Variants in KCNJ5 observed in about 807,000 individuals in gnomAD.
KCNJ5 encodes G protein-activated inward rectifier potassium channel 4.
KCNJ5 carries 12 observed loss-of-function variants against 20.2 expected under a neutral mutation model. The ratio of observed to expected loss-of-function variants is 0.59; its 90% CI spans 0.38 to 0.96. KCNJ5 has a LOEUF of 0.96. KCNJ5 is among the 40% of genes least tolerant of loss of function. The probability of loss-of-function intolerance (pLI) is 0.00; values close to 1 mark genes in which losing one functional copy is unlikely to be tolerated. For synonymous variants in KCNJ5, 210 were observed against 213.9 expected (o/e 0.98, Z 0.16); for missense variants, 449 against 557.6 (o/e 0.81, Z 1.96).
chr11:128,910,451 G>A lies in KCNJ5; in HGVS notation c.-10-813G>A, dbSNP rs192276693. ...TGCAGACTTCACACTCAGACGGTAG[G>A]GGTGACCAATTGACAAATCAGATAC... On this transcript the variant is annotated intron_variant, in intron 1 of 2. Coordinates refer to ENST00000529694, the MANE Select transcript of KCNJ5 (RefSeq NM_000890.5). Among the ~76,000 whole-genome samples, 646 of 152,274 alleles carry A rather than the reference G, an allele frequency of 4.2e-3. 3 individuals carry two copies. Among genetic ancestry groups the A allele is most frequent in the Non-Finnish European group, 8.0e-3 (541 of 68,014 alleles).
intron 1 of KCNJ5, among the ~76,000 whole-genome samples, chr11:128,893,254 T>C (rs1348455986): frequency 1.3e-5 from 2 of 152,122 alleles, no homozygotes; most frequent in African/African-American, 2.4e-5. Context: ...GCATAAGGCC[T>C]TCAGTGGGAG....
rs569541793 is a variant in KCNJ5 at position 128,918,600 on chromosome 11, G to A, written c.*1869G>A. On this transcript the variant is annotated 3_prime_UTR_variant, in exon 3 of 3. Transcript: ENST00000529694. ...AGCCTTTTCCTGCCCTGGATATGGCGCTTCTTCCTGGGAGAGGAGCAGAGC... is the reference window on the plus strand; with the variant it reads ...AGCCTTTTCCTGCCCTGGATATGGCACTTCTTCCTGGGAGAGGAGCAGAGC... 2.0e-5 allele frequency: 3 copies of A among 152,456 alleles called. No individual in the cohort carries two copies. The highest frequency in any genetic ancestry group is 7.2e-5 in the African/African-American group (3 of 41,472). The allele number at this position is 152,456 out of a possible 1,614,324, so 9.4% of individuals were successfully genotyped here.
intron 1 of KCNJ5, among the ~76,000 whole-genome samples, chr11:128,908,629 C>A (rs1944457264): frequency 6.6e-6 from 1 of 152,188 alleles, no homozygotes; most frequent in South Asian, 2.1e-4. Flanking sequence ...AGAATGTATG[C>A]AAGTATGTTT....
Position 128,917,911 on chromosome 11 carries a change from C to A in KCNJ5, c.*1180C>A. The A allele has an allele frequency of 3.3e-5, 5 of 152,612 alleles. No individual in the cohort carries two copies. The highest frequency in any genetic ancestry group is 7.3e-5 in the Non-Finnish European group (5 of 68,346). The allele number at this position is 152,612 out of a possible 1,614,324, so 9.5% of individuals were successfully genotyped here. ...TCTACTGAAAATACAAAAAATTAGC[C>A]AGGCATGGTGGCAGGTGCCTGTAGT... On this transcript the variant is annotated 3_prime_UTR_variant, in exon 3 of 3. Coordinates refer to ENST00000529694, the MANE Select transcript of KCNJ5 (RefSeq NM_000890.5).
rs1944600674 is a variant in KCNJ5, at chr11:128,917,372, T to C, written c.*641T>C. The C allele has an allele frequency of 6.5e-6, 1 of 152,724 alleles. No homozygotes were observed. The highest frequency in any genetic ancestry group is 2.1e-4 in the South Asian group (1 of 4,836). The allele number at this position is 152,724 out of a possible 1,614,324, so 9.5% of individuals were successfully genotyped here. A position where few individuals can be genotyped will look rare whatever the true frequency, so the allele number is the denominator to read the frequency against. ...TGTTCTGTGTGTCCAGTGTAGCCTATTGGAGAATCGGTCTCATTAGAGTGA... is the reference window on the plus strand; with the variant it reads ...TGTTCTGTGTGTCCAGTGTAGCCTACTGGAGAATCGGTCTCATTAGAGTGA... On this transcript the variant is annotated 3_prime_UTR_variant, in exon 3 of 3. Coordinates refer to ENST00000529694, the MANE Select transcript of KCNJ5 (RefSeq NM_000890.5).
rs1470982638 is a variant in KCNJ5 at position 128,891,423 on chromosome 11, CACACACACACACACACACAG to C, written c.-307_-288del. Reference sequence around the variant, plus strand: ...ACACACACACACACACACACACACACACACACACACACACACACAGAGAGAGAGAGAGAGAGAGAGAGAGA... The same window carrying C: ...ACACACACACACACACACACACACACAGAGAGAGAGAGAGAGAGAGAGAGA... On this transcript the variant is annotated 5_prime_UTR_variant, in exon 1 of 3. Coordinates refer to ENST00000529694, the MANE Select transcript of KCNJ5 (RefSeq NM_000890.5). 5.5e-5 allele frequency: 6 copies of C among 108,552 alleles called. No homozygotes were observed. Among genetic ancestry groups the C allele is most frequent in the Non-Finnish European group, 9.3e-5 (5 of 53,838 alleles). The allele number at this position is 108,552 out of a possible 1,614,324, so 6.7% of individuals were successfully genotyped here. A position where few individuals can be genotyped will look rare whatever the true frequency, so the allele number is the denominator to read the frequency against.
rs1944139235 is a variant in KCNJ5 at position 128,894,332 on chromosome 11, T to C, written c.-11+2611T>C. Reference sequence around the variant, plus strand: ...AATGTTAGCAAACACTCACATTTTCTGAGCCAATACTGATTGACTATTTAG... The same window carrying C: ...AATGTTAGCAAACACTCACATTTTCCGAGCCAATACTGATTGACTATTTAG... On this transcript the variant is annotated intron_variant, in intron 1 of 2. Transcript: ENST00000529694. Among the ~76,000 whole-genome samples, 3 of 152,218 alleles carry C rather than the reference T, an allele frequency of 2.0e-5. No homozygotes were observed. The South Asian group carries it at 6.2e-4, about 31-fold the overall frequency.
chr11:128,895,390 C>CG (rs887547299), intron 1 of KCNJ5, among the ~76,000 whole-genome samples: 3 of 146,694 alleles, frequency 2.0e-5, no homozygotes, highest in Admixed American at 6.8e-5. Flanking sequence ...CCACCCCCCC[C>CG]CCAACCCCAG....
Position 128,902,019 on chromosome 11 carries a change from G to A in KCNJ5, c.-10-9245G>A, listed in dbSNP as rs551470757. On this transcript the variant is annotated intron_variant, in intron 1 of 2. Coordinates refer to ENST00000529694, the MANE Select transcript of KCNJ5 (RefSeq NM_000890.5). ...CCTGATTCTAGCCCTCAGCCCCCAC[G>A]CACAGCCACCGGCGACTCTAGCCAC... is the stretch of plus-strand genomic sequence containing the variant. The A allele has an allele frequency of 2.0e-4, 33 of 163,866 alleles. No homozygotes were observed. The South Asian group carries it at 4.6e-3, about 23-fold the overall frequency. The allele number at this position is 163,866 out of a possible 1,614,324, so 10.2% of individuals were successfully genotyped here. A position where few individuals can be genotyped will look rare whatever the true frequency, so the allele number is the denominator to read the frequency against.
chr11:128,911,513 C>T lies in KCNJ5; in HGVS notation c.240C>T (p.Thr80=). Residue 80 remains threonine (T), a synonymous_variant, in exon 2 of 3, where the codon ACC becomes ACT. Coordinates refer to ENST00000529694, the MANE Select transcript of KCNJ5 (RefSeq NM_000890.5). The surrounding 1 kb of genome is among the most constrained non-coding windows in gnomAD (Gnocchi z 6.3). ...GGTACCTGAGTGACCTCTTCACCAC[C>T]CTGGTGGACCTCAAGTGGCGCTTCA... is the stretch of plus-strand genomic sequence containing the variant. The part of the protein sequence containing the change: ...TYRYLSDLFT[T]LVDLKWRFNL... 6.2e-7 allele frequency: 1 copy of T among 1,614,240 alleles called. No homozygotes were observed. Among genetic ancestry groups the T allele is most frequent in the African/African-American group, 1.3e-5 (1 of 75,072 alleles).
chr11:128,920,168 A>G lies in KCNJ5; in HGVS notation c.*3437A>G, dbSNP rs1326721018. ...GCTCCACCAATCTGACGCCTGACAG[A>G]TGTCACCACTGCCTGAAGGATCCTG... On this transcript the variant is annotated 3_prime_UTR_variant, in exon 3 of 3. Transcript: ENST00000529694. 1 of 152,248 alleles carries G rather than the reference A, an allele frequency of 6.6e-6. No homozygotes were observed. Among genetic ancestry groups the G allele is most frequent in the African/African-American group, 2.4e-5 (1 of 41,428 alleles). The allele number at this position is 152,248 out of a possible 1,614,324, so 9.4% of individuals were successfully genotyped here.
At chr11:128,905,351 G>A (rs1329261650) in intron 1 of KCNJ5, among the ~76,000 whole-genome samples, 1 of 152,138 alleles carries the variant, frequency 6.6e-6, no homozygotes, top group African/African-American at 2.4e-5. Flanking sequence ...GTCGAGCACC[G>A]CCTTATCCAG....
chr11:128,915,998 A>ATGGATGGATGAT (rs1944573247), intron 2 of KCNJ5, among the ~76,000 whole-genome samples: 6 of 150,814 alleles, frequency 4.0e-5, no homozygotes, highest in South Asian at 4.2e-4. Flanking sequence ...GGATGGATGG[A>ATGGATGGATGAT]TGGATGGATG....
At position 128,918,729 on chromosome 11, in the gene KCNJ5, G is replaced by A. The variant is rs2604198; in HGVS notation, c.*1998G>A. Reference sequence around the variant, plus strand: ...TAGGCCTGGGGCTGAAAGGAAGAGGGGTGGGGCAGCCTGGGACGGGAACTG... The same window carrying A: ...TAGGCCTGGGGCTGAAAGGAAGAGGAGTGGGGCAGCCTGGGACGGGAACTG... On this transcript the variant is annotated 3_prime_UTR_variant, in exon 3 of 3. Transcript: ENST00000529694. The A allele has an allele frequency of 0.74, 113,269 of 152,248 alleles. 42,345 individuals are homozygous for A. The highest frequency in any genetic ancestry group is 0.79 in the African/African-American group (32,816 of 41,506). 9.4% of individuals were successfully genotyped at this position (152,248 alleles called of 1,614,324 possible).
At chr11:128,897,093 CTTTTTT>C (rs35966521) in intron 1 of KCNJ5, among the ~76,000 whole-genome samples, 3 of 100,068 alleles carry the variant, frequency 3.0e-5, no homozygotes, top group African/African-American at 4.1e-5. Context: ...CCGTTTACCA[CTTTTTT>C]TTTTTTTTTT....
At chr11:128,905,868 G>C (rs3867249) in intron 1 of KCNJ5, 43,408 of 152,170 alleles carry the variant, frequency 0.29, 7,122 homozygotes, top group Non-Finnish European at 0.37. Context: ...GGAGCCTGCA[G>C]CACTAGCCGT....
At chr11:128,906,391 C>G (rs1263745216) in intron 1 of KCNJ5, among the ~76,000 whole-genome samples, 1 of 152,158 alleles carries the variant, frequency 6.6e-6, no homozygotes, top group Non-Finnish European at 1.5e-5. Context: ...TGGCTGGAAA[C>G]AGCACCCACT....
intron 1 of KCNJ5, among the ~76,000 whole-genome samples, chr11:128,895,764 C>A (rs772167779): frequency 6.6e-6 from 1 of 152,264 alleles, no homozygotes; most frequent in Non-Finnish European, 1.5e-5. Flanking sequence ...AGCATCCGTG[C>A]TGCGCGCCCT....
intron 1 of KCNJ5, chr11:128,905,783 C>CCGGTCT (rs1565548561): frequency 6.6e-6 from 1 of 152,490 alleles, no homozygotes; most frequent in East Asian, 1.9e-4. Flanking sequence ...GCACGGGTTC[C>CCGGTCT]CGGTCTCGTA....
Sources: allele counts gnomAD v4.1 joint callset (sites outside exome capture counted in the v4.1 genomes callset), GRCh38; gene constraint gnomAD v4.1.1; non-coding constraint Gnocchi (gnomAD v3.1); transcripts MANE v1.5; gene names NCBI Gene and HGNC (gene_info 2026-07-23, HGNC 2026-07-21).